Variants in LIG1 observed in about 807,000 individuals in gnomAD.
LIG1 encodes ligase I, DNA, ATP-dependent.
LIG1 carries 70 observed loss-of-function variants against 115.7 expected under a neutral mutation model. The ratio of observed to expected loss-of-function variants is 0.60; its 90% CI spans 0.50 to 0.74. LIG1 has a LOEUF of 0.74. LIG1 is among the 30% of genes least tolerant of loss of function. LIG1 has a pLI of 0.00. For missense variants in LIG1, 1,115 were observed against 1,225.6 expected, an observed-to-expected ratio of 0.91 and a Z score of 1.35; for synonymous variants, 487 against 495.3, an observed-to-expected ratio of 0.98 and a Z score of 0.22.
chr19:48,131,166 G>A lies in LIG1; in HGVS notation c.1731C>T (p.His577=), dbSNP rs760499416. ...TCTTCACCTCCCCGCCTTCCAGGGC[G>A]TGGATCTGTCACGATGGGAGAAGGG... ...YKYDGQRAQI[H]ALEGGEVKIF... Residue 577 remains histidine (H), a synonymous_variant, in exon 19 of 28, where the codon CAC becomes CAT. Transcript: ENST00000263274. 22 of 1,613,612 alleles carry A rather than the reference G, an allele frequency of 1.4e-5. No individual in the cohort carries two copies. The highest frequency in any genetic ancestry group is 4.0e-5 in the African/African-American group (3 of 74,910).
chr19:48,124,256 T>C (rs2033512685), intron 21 of LIG1, among the ~76,000 whole-genome samples: 1 of 152,212 alleles, frequency 6.6e-6, no homozygotes. Context: ...ATGAACATTT[T>C]GTATGAAAAG....
chr19:48,144,244 C>T (rs926215919), intron 9 of LIG1, among the ~76,000 whole-genome samples: 1 of 152,188 alleles, frequency 6.6e-6, no homozygotes, highest in Non-Finnish European at 1.5e-5. Context: ...GGTGCTGCTT[C>T]ACAGGGTGGT....
In LIG1 at chr19:48,136,027, A is replaced by G; in HGVS notation, c.1423+7T>C. The G allele has an allele frequency of 3.9e-6, 6 of 1,555,076 alleles. No individual in the cohort carries two copies. The highest frequency in any genetic ancestry group is 4.4e-6 in the Non-Finnish European group (5 of 1,149,078). On this transcript the variant is annotated splice_region_variant and intron_variant, in intron 15 of 27. Coordinates refer to ENST00000263274, the MANE Select transcript of LIG1 (RefSeq NM_000234.3). ...GAGGGATGCAGAGACGGGCCACAGG[A>G]GCTCACCTTGGCCCGGGGGCGTGAG...
chr19:48,120,916 G>T, intron 24 of LIG1: 2 of 1,317,952 alleles, frequency 1.5e-6, no homozygotes, highest in Non-Finnish European at 1.9e-6. Context: ...TTTCTTATGT[G>T]AGCCACCACT....
At chr19:48,158,108 T>C (rs1055527679) in intron 4 of LIG1, among the ~76,000 whole-genome samples, 7 of 152,176 alleles carry the variant, frequency 4.6e-5, no homozygotes, top group African/African-American at 1.4e-4. Flanking sequence ...ATCCTGAGGC[T>C]CTCACCAGAA....
At chr19:48,145,214 T>C (rs10500298) in intron 9 of LIG1, among the ~76,000 whole-genome samples, 45,912 of 151,990 alleles carry the variant, frequency 0.3, 7,990 homozygotes, top group East Asian at 0.55. Flanking sequence ...CTTTATATCG[T>C]AAGTAGCTCA....
In LIG1 at chr19:48,139,522, C is replaced by T. The variant is rs544113926; in HGVS notation, c.1087+449G>A. Among the ~76,000 whole-genome samples, 15 of 152,252 alleles carry T rather than the reference C, an allele frequency of 9.9e-5. No homozygotes were observed. The South Asian group carries it at 2.5e-3, about 25-fold the overall frequency. On this transcript the variant is annotated intron_variant, in intron 12 of 27. Transcript: ENST00000263274. ...CCGAGCACTCCAGGCCCTTGGCAGG[C>T]GGGCCATCCGCATCACCAGCCTTTC... is the stretch of plus-strand genomic sequence containing the variant.
At chr19:48,154,150 G>A (rs2035685903) in intron 5 of LIG1, 183 bp from the exon 6 acceptor site, 1 of 648,600 alleles carries the variant, frequency 1.5e-6, no homozygotes, top group Admixed American at 2.2e-5. Context: ...CTGGCTGTGT[G>A]ACCTTGGGCA....
In LIG1 at chr19:48,137,390, G is replaced by C. The variant is rs545375557; in HGVS notation, c.1254+132C>G. 56 of 1,171,734 alleles carry C rather than the reference G, an allele frequency of 4.8e-5. No homozygotes were observed. Among genetic ancestry groups the C allele is most frequent in the Middle Eastern group, 5.5e-4 (2 of 3,658 alleles). The allele number at this position is 1,171,734 out of a possible 1,614,324, so 72.6% of individuals were successfully genotyped here. A position where few individuals can be genotyped will look rare whatever the true frequency, so the allele number is the denominator to read the frequency against. On this transcript the variant is annotated intron_variant, in intron 13 of 27. Transcript: ENST00000263274. This position sits in a 1 kb window ranked among gnomAD's most constrained non-coding sequence, Gnocchi z 4.3. Reference sequence around the variant, plus strand: ...AGGATTGGGTGCAGGAAGGAGGAGAGGAAGCTGTGCACCCCATGAGAAGGA... The same window carrying C: ...AGGATTGGGTGCAGGAAGGAGGAGACGAAGCTGTGCACCCCATGAGAAGGA...
intron 21 of LIG1, 120 bp from the exon 22 acceptor site, chr19:48,123,438 A>G (rs1212587316): frequency 1.6e-5 from 19 of 1,188,352 alleles, no homozygotes; most frequent in Non-Finnish European, 2.3e-5. Flanking sequence ...GTTCGTGGAA[A>G]GCCTTGAGAG....
chr19:48,128,929 A>G lies in LIG1; in HGVS notation c.1822-909T>C, dbSNP rs1485963229. ...AGGCACATGCCACCATGCCTGGATA[A>G]ATTTTGTATTTTAGTAGAAACGGTT... On this transcript the variant is annotated intron_variant, in intron 19 of 27. Coordinates refer to ENST00000263274, the MANE Select transcript of LIG1 (RefSeq NM_000234.3). Among the ~76,000 whole-genome samples, 3 of 151,572 alleles carry G rather than the reference A, an allele frequency of 2.0e-5. No individual in the cohort carries two copies. The East Asian group carries it at 5.8e-4, about 29-fold the overall frequency.
chr19:48,151,966 AT>A (rs984151276), intron 6 of LIG1, among the ~76,000 whole-genome samples: 1 of 152,076 alleles, frequency 6.6e-6, no homozygotes, highest in Non-Finnish European at 1.5e-5. Context: ...TAAAAAAAAA[AT>A]CTTACCTCTA....
chr19:48,169,575 A>T (rs1350716954), intron 1 of LIG1: 1 of 152,842 alleles, frequency 6.5e-6, no homozygotes, highest in East Asian at 1.9e-4. Flanking sequence ...ATCTTTTACG[A>T]GCCCTTTACC....
chr19:48,130,183 A>C (rs916599043), intron 19 of LIG1, among the ~76,000 whole-genome samples: 2 of 152,256 alleles, frequency 1.3e-5, no homozygotes, highest in African/African-American at 4.8e-5. Context: ...ACTAACTTTT[A>C]GGGAAATTAC....
chr19:48,131,780 G>A (rs893325746), intron 18 of LIG1, among the ~76,000 whole-genome samples: 2 of 152,196 alleles, frequency 1.3e-5, no homozygotes, highest in African/African-American at 2.4e-5. Flanking sequence ...CACAGCCCTT[G>A]AGCAGGGCGG....
intron 15 of LIG1, 113 bp downstream of exon 15, chr19:48,135,921 C>G: frequency 1.4e-6 from 1 of 728,468 alleles, no homozygotes; most frequent in South Asian, 1.5e-5. Flanking sequence ...GAGAGAGGAG[C>G]CTGGTATGGC....
intron 21 of LIG1, among the ~76,000 whole-genome samples, chr19:48,124,911 A>G (rs922075319): frequency 5.3e-5 from 8 of 151,988 alleles, no homozygotes; most frequent in African/African-American, 1.9e-4. Flanking sequence ...GCTACTTGGG[A>G]GGCTGACGCA....
chr19:48,149,748 T>C lies in LIG1; in HGVS notation c.776+15A>G, dbSNP rs1249525025. 1.2e-6 allele frequency: 2 copies of C among 1,608,982 alleles called. No individual in the cohort carries two copies. The highest frequency in any genetic ancestry group is 2.2e-5 in the South Asian group (2 of 90,946). ...ACATCCCGAAGAACCTTTCCAGACC[T>C]GGACACTGACTCACCCCTCAGCAGC... On this transcript the variant is annotated intron_variant, in intron 9 of 27. Transcript: ENST00000263274.
At chr19:48,165,849 A>ATAAGAAGACT (rs1383908255) in intron 1 of LIG1, 1 of 556,846 alleles carries the variant, frequency 1.8e-6, no homozygotes, top group African/African-American at 1.9e-5. Context: ...CTCCTTTACC[A>ATAAGAAGACT]TAAGAAGACT....
Sources: gnomAD v4.1 joint callset for allele counts (sites outside exome capture counted in the v4.1 genomes callset) on GRCh38, gnomAD v4.1.1 for gene constraint, Gnocchi (gnomAD v3.1) non-coding constraint, MANE v1.5 for transcripts, NCBI Gene and HGNC (gene_info 2026-07-23, HGNC 2026-07-21) for gene names.